RARB: variants seen among roughly 807,000 people sequenced by gnomAD.
RARB encodes the protein retinoic acid receptor beta.
Under a neutral mutation model 51.9 loss-of-function variants are expected in RARB, and 17 were observed. The ratio of observed to expected loss-of-function variants is 0.33; its 90% CI spans 0.22 to 0.49. RARB has a LOEUF of 0.49. Among genes scored for constraint, RARB ranks in the 20% least tolerant of loss-of-function variants. The pLI is 0.99. For synonymous variants in RARB, 215 were observed against 195.4 expected, an observed-to-expected ratio of 1.10 and a Z score of -0.84; for missense variants, 369 against 550.8, an observed-to-expected ratio of 0.67 and a Z score of 3.30.
chr3:24,981,068 C>G (rs1696655752), intron 2 of RARB, among the ~76,000 whole-genome samples: 1 of 152,288 alleles, frequency 6.6e-6, no homozygotes, highest in South Asian at 2.1e-4. Context: ...CCACTCCAGA[C>G]CTTGTTTGCC....
intron 2 of RARB, among the ~76,000 whole-genome samples, chr3:24,867,174 T>C (rs955795917): frequency 1.3e-5 from 2 of 152,114 alleles, no homozygotes; most frequent in Non-Finnish European, 2.9e-5. Context: ...TTAGCAGAAT[T>C]TGTGTTTCTC....
At chr3:25,552,750 G>A (rs201873216) in intron 3 of RARB, among the ~76,000 whole-genome samples, 1 of 111,640 alleles carries the variant, frequency 9.0e-6, no homozygotes, top group African/African-American at 4.1e-5. Context: ...TTTGAAATGG[G>A]TGTAAATATT....
intron 3 of RARB, among the ~76,000 whole-genome samples, chr3:25,544,207 AATAC>A (rs2125658853): frequency 6.6e-6 from 1 of 152,368 alleles, no homozygotes; most frequent in Admixed American, 6.5e-5. Flanking sequence ...TGTTGAAAAA[AATAC>A]ATAAATGCAT....
intron 2 of RARB, among the ~76,000 whole-genome samples, chr3:25,057,562 C>A (rs1355556612): frequency 6.6e-6 from 1 of 151,980 alleles, no homozygotes; most frequent in Non-Finnish European, 1.5e-5. Flanking sequence ...AACTTTGAAT[C>A]CAATTTTTGC....
At chr3:25,425,714 T>G (rs981003245), upstream of RARB, among the ~76,000 whole-genome samples, 1 of 152,208 alleles carries the variant, frequency 6.6e-6, no homozygotes. Flanking sequence ...TTGTTATTTT[T>G]GTGCAATGAT....
intron 3 of RARB, among the ~76,000 whole-genome samples, chr3:25,517,699 T>A (rs1698229734): frequency 6.6e-6 from 1 of 152,100 alleles, no homozygotes; most frequent in Admixed American, 6.6e-5. Context: ...ACAGAAATGC[T>A]CATAGAAGCA....
chr3:24,829,369 GGC>G (rs1032974919), exon 1 of RARB, among the ~76,000 whole-genome samples: 25 of 152,016 alleles, frequency 1.6e-4, no homozygotes, highest in Non-Finnish European at 2.9e-4. Flanking sequence ...GCCAGCGGGC[GGC>G]GCGCCGCGGA....
At chr3:25,048,175 AACAGACTCATAC>A (rs1698255005) in intron 2 of RARB, among the ~76,000 whole-genome samples, 1 of 152,178 alleles carries the variant, frequency 6.6e-6, no homozygotes. Flanking sequence ...GCAGTTTGAG[AACAGACTCATAC>A]ACAGGATAAT....
chr3:25,070,865 A>G lies in RARB; in HGVS notation c.-328+10689A>G, dbSNP rs188587810. On this transcript the variant is annotated intron_variant, in intron 3 of 11. Transcript: ENST00000383772. ...ACTTTAACATGCCCAGTGTACTAGT[A>G]CTGGTGTCTCTATTGCCTTGTTGTT... is the stretch of plus-strand genomic sequence containing the variant. Among the ~76,000 whole-genome samples, 108 of 152,332 alleles carry G rather than the reference A, an allele frequency of 7.1e-4. 1 individual carries two copies. The highest frequency in any genetic ancestry group is 4.4e-3 in the Admixed American group (67 of 15,304).
At chr3:24,944,273 G>A (rs932575917) in intron 2 of RARB, among the ~76,000 whole-genome samples, 1 of 152,174 alleles carries the variant, frequency 6.6e-6, no homozygotes, top group East Asian at 1.9e-4. Flanking sequence ...TCCCCTTGGG[G>A]ATGTAAATTC....
chr3:25,105,681 G>T (rs190259541), intron 3 of RARB, among the ~76,000 whole-genome samples: 3 of 152,250 alleles, frequency 2.0e-5, no homozygotes, highest in South Asian at 2.1e-4. Flanking sequence ...CTGCCTTGTA[G>T]TTGGGATTGT....
At chr3:25,555,228 C>T (rs1381262008) in intron 3 of RARB, among the ~76,000 whole-genome samples, 1 of 152,128 alleles carries the variant, frequency 6.6e-6, no homozygotes, top group African/African-American at 2.4e-5. Context: ...ATAGTTTCTG[C>T]TCCCTGATAT....
intron 2 of RARB, among the ~76,000 whole-genome samples, chr3:24,952,918 C>G (rs976187260): frequency 1.3e-5 from 2 of 151,846 alleles, no homozygotes; most frequent in African/African-American, 4.8e-5. Context: ...TCTTTTGCCT[C>G]AGAAGCTGCA....
intron 2 of RARB, among the ~76,000 whole-genome samples, chr3:24,960,071 G>C (rs947338469): frequency 1.3e-5 from 2 of 152,140 alleles, no homozygotes; most frequent in Admixed American, 1.3e-4. Flanking sequence ...GGAAAAGATG[G>C]AACTGAACAT....
chr3:25,547,642 C>G (rs1699667422), intron 3 of RARB, among the ~76,000 whole-genome samples: 2 of 152,182 alleles, frequency 1.3e-5, no homozygotes, highest in Admixed American at 1.3e-4. Context: ...TGAATATACT[C>G]AAAAGGAAAA....
At chr3:25,573,080 G>A (rs1454522116) in intron 4 of RARB, among the ~76,000 whole-genome samples, 5 of 152,118 alleles carry the variant, frequency 3.3e-5, no homozygotes, top group East Asian at 1.9e-4. Context: ...TTCCTTATTC[G>A]TTGGGCAGGA....
intron 2 of RARB, among the ~76,000 whole-genome samples, chr3:24,940,120 T>C (rs1312740490): frequency 6.6e-6 from 1 of 152,230 alleles, no homozygotes. Context: ...AGAAATGTCA[T>C]TGTTGGCAGT....
intron 4 of RARB, among the ~76,000 whole-genome samples, chr3:25,141,290 T>C (rs12495790): frequency 0.53 from 80,158 of 151,742 alleles, 21,627 homozygotes; most frequent in East Asian, 0.7. Flanking sequence ...TCTACCACTA[T>C]CTAAATTCAA....
intron 4 of RARB, among the ~76,000 whole-genome samples, chr3:25,144,763 G>A (rs1044452437): frequency 6.6e-6 from 1 of 152,168 alleles, no homozygotes; most frequent in African/African-American, 2.4e-5. Flanking sequence ...AACAAAGCTA[G>A]AATGCCTGGC....
Sources: gnomAD v4.1 joint callset for allele counts (sites outside exome capture counted in the v4.1 genomes callset) on GRCh38, gnomAD v4.1.1 for gene constraint, MANE v1.5 for transcripts, NCBI Gene and HGNC (gene_info 2026-07-23, HGNC 2026-07-21) for gene names.